Variants in PTK2 observed in about 807,000 individuals in gnomAD.
PTK2 encodes focal adhesion kinase 1.
PTK2 carries 45 observed loss-of-function variants against 150.1 expected under a neutral mutation model. That is an observed-to-expected ratio of 0.30 (90% CI 0.24 to 0.38). PTK2 has a LOEUF of 0.38. Among genes scored for constraint, PTK2 ranks in the 10% least tolerant of loss-of-function variants. PTK2 has a pLI of 1.00. For synonymous variants in PTK2, 432 were observed against 449.2 expected, an observed-to-expected ratio of 0.96 and a Z score of 0.48; for missense variants, 919 against 1,307.3, an observed-to-expected ratio of 0.70 and a Z score of 4.58.
chr8:140,717,338 G>C (rs2100040252), intron 23 of PTK2, among the ~76,000 whole-genome samples: 1 of 152,168 alleles, frequency 6.6e-6, no homozygotes, highest in Non-Finnish European at 1.5e-5. Context: ...GGGCAGCATA[G>C]GAAAAGCATT....
At chr8:140,927,686 T>C (rs2154608434) in intron 1 of PTK2, among the ~76,000 whole-genome samples, 1 of 152,012 alleles carries the variant, frequency 6.6e-6, no homozygotes, top group South Asian at 2.1e-4. Flanking sequence ...CCAGGCGAGG[T>C]GGCTCATGCC....
At chr8:140,946,029 C>T (rs976804327) in intron 1 of PTK2, among the ~76,000 whole-genome samples, 8 of 152,136 alleles carry the variant, frequency 5.3e-5, no homozygotes, top group African/African-American at 1.7e-4. Context: ...GTACCATTTA[C>T]AGCAGGTCTA....
chr8:140,982,717 A>G (rs2100191904), intron 1 of PTK2, among the ~76,000 whole-genome samples: 4 of 152,250 alleles, frequency 2.6e-5, no homozygotes, highest in Admixed American at 2.6e-4. Flanking sequence ...AAAGAAATGC[A>G]TCATGAATTA....
intron 2 of PTK2, among the ~76,000 whole-genome samples, chr8:140,900,614 C>T (rs146000841): frequency 6.6e-6 from 1 of 151,766 alleles, no homozygotes; most frequent in African/African-American, 2.4e-5. Flanking sequence ...CCCAGCTACT[C>T]GAGAAGCTGA....
At chr8:140,978,523 C>T (rs1588385558) in intron 1 of PTK2, among the ~76,000 whole-genome samples, 1 of 152,272 alleles carries the variant, frequency 6.6e-6, no homozygotes, top group East Asian at 1.9e-4. Context: ...CTCATCATCA[C>T]TGGCCATCAG....
At position 140,800,558 on chromosome 8, in the gene PTK2, G is replaced by A. The variant is rs147093212; in HGVS notation, c.994C>T (p.Pro332Ser). ...ATATTCTCCGCAATGGTTAGGGATGGTGCCGTCACTGTCAGAGGCTAACGG... is the reference window on the plus strand; with the variant it reads ...ATATTCTCCGCAATGGTTAGGGATGATGCCGTCACTGTCAGAGGCTAACGG... The change falls in exon 12 of 32, where the codon CCA becomes TCA. Residue 332 changes from proline to serine, a missense_variant. Around this residue, in one of 3 missense-constraint regions of PTK2, gnomAD observed 555 missense variants for 880.1 expected, o/e 0.63. Coordinates refer to ENST00000522684, the Ensembl canonical transcript of PTK2. The A allele has an allele frequency of 2.5e-6, 4 of 1,613,564 alleles. No homozygotes were observed. The African/African-American group carries it at 4.0e-5, about 16-fold the overall frequency.
Position 140,808,102 on chromosome 8 carries a change from G to C in PTK2, c.868-4452C>G, listed in dbSNP as rs993942101. On this transcript the variant is annotated intron_variant, in intron 10 of 31. Coordinates refer to ENST00000522684, the Ensembl canonical transcript of PTK2. Reference sequence around the variant, plus strand: ...GAAAACATGAGGTACCAGGGAGAGAGAGGGACACAGGGCTAAAAGAGGGGA... The same window carrying C: ...GAAAACATGAGGTACCAGGGAGAGACAGGGACACAGGGCTAAAAGAGGGGA... Among the ~76,000 whole-genome samples the C allele has an allele frequency of 5.9e-5, 9 of 152,250 alleles. No homozygotes were observed. In the East Asian group the frequency reaches 9.6e-4, roughly 16 times the overall value.
chr8:140,987,780 C>G (rs1289835302), intron 1 of PTK2, among the ~76,000 whole-genome samples: 3 of 152,318 alleles, frequency 2.0e-5, no homozygotes, highest in Non-Finnish European at 4.4e-5. Flanking sequence ...ACGTGGCTCA[C>G]TCCTATGACC....
intron 1 of PTK2, among the ~76,000 whole-genome samples, chr8:140,973,766 A>C (rs918691232): frequency 6.6e-6 from 1 of 152,190 alleles, no homozygotes; most frequent in South Asian, 2.1e-4. Context: ...GCCATGACCT[A>C]GGCAAAGTAG....
At chr8:140,819,085 T>C in intron 8 of PTK2, 65 bp from the exon 9 acceptor site, 3 of 1,522,688 alleles carry the variant, frequency 2.0e-6, no homozygotes, top group Non-Finnish European at 2.7e-6. Context: ...ACAACAATAA[T>C]GGTAAGATTT....
intron 2 of PTK2, among the ~76,000 whole-genome samples, chr8:140,902,924 GTTTTTTTTTTTTT>G (rs61261890): frequency 3.1e-4 from 18 of 58,950 alleles, no homozygotes; most frequent in South Asian, 5.7e-4. Flanking sequence ...GATGAGAGTT[GTTTTTTTTTTTTT>G]TTTTTTTTTT....
chr8:140,841,732 A>G (rs1254936548), intron 7 of PTK2, among the ~76,000 whole-genome samples: 1 of 152,040 alleles, frequency 6.6e-6, no homozygotes, highest in African/African-American at 2.4e-5. Context: ...TAAAATTAAT[A>G]AAGAAAAAAT....
At chr8:140,836,559 C>T (rs2100118747) in intron 7 of PTK2, among the ~76,000 whole-genome samples, 1 of 152,178 alleles carries the variant, frequency 6.6e-6, no homozygotes, top group Non-Finnish European at 1.5e-5. Context: ...CAATTCCTGC[C>T]AAATCTACCA....
intron 29 of PTK2, chr8:140,669,301 G>GTATATATATATATATATATATA (rs35271369): frequency 3.1e-4 from 30 of 97,984 alleles, no homozygotes; most frequent in African/African-American, 3.7e-4. Flanking sequence ...GCATAAAATG[G>GTATATATATATATATATATATA]TATATATATA....
chr8:140,934,953 G>A (rs1459393446), intron 1 of PTK2, among the ~76,000 whole-genome samples: 1 of 152,126 alleles, frequency 6.6e-6, no homozygotes, highest in Admixed American at 6.5e-5. Flanking sequence ...CAGAAAAGGA[G>A]GACATAAAAA....
At chr8:140,770,669 G>T in intron 14 of PTK2, 47 bp downstream of exon 15, 1 of 1,024,370 alleles carries the variant, frequency 9.8e-7, no homozygotes, top group Non-Finnish European at 1.3e-6. Flanking sequence ...AGTTTCTCTG[G>T]AGTGCTCTGG....
At chr8:140,900,613 T>G (rs2100158073) in intron 2 of PTK2, among the ~76,000 whole-genome samples, 1 of 151,552 alleles carries the variant, frequency 6.6e-6, no homozygotes. Flanking sequence ...TCCCAGCTAC[T>G]CGAGAAGCTG....
chr8:140,744,489 T>C (rs1057267006), intron 19 of PTK2, among the ~76,000 whole-genome samples, 163 bp downstream of exon 22: 1 of 152,176 alleles, frequency 6.6e-6, no homozygotes, highest in Non-Finnish European at 1.5e-5. Flanking sequence ...CTGTGTACAA[T>C]AGATTCCAAT....
intron 1 of PTK2, among the ~76,000 whole-genome samples, chr8:140,983,675 G>A (rs558692282): frequency 4.5e-4 from 63 of 138,572 alleles, no homozygotes; most frequent in Middle Eastern, 3.5e-3. Context: ...AGGAAGGAAG[G>A]AAGAAGGAAG....
Sources: allele counts gnomAD v4.1 joint callset (sites outside exome capture counted in the v4.1 genomes callset), GRCh38; gene constraint gnomAD v4.1.1; regional missense constraint gnomAD v4.1.1; transcripts MANE v1.5; gene names NCBI Gene and HGNC (gene_info 2026-07-23, HGNC 2026-07-21).